Variants in TMEM161A observed in about 807,000 individuals in gnomAD.
The protein encoded by TMEM161A is adaptive response to oxidative stress protein 29.
Under a neutral mutation model 57.1 loss-of-function variants are expected in TMEM161A, and 46 were observed. That is an observed-to-expected ratio of 0.81 (90% CI 0.64 to 1.03). TMEM161A has a LOEUF of 1.03. Among genes scored for constraint, TMEM161A ranks in the 50% least tolerant of loss-of-function variants. The pLI is 0.00. For missense variants in TMEM161A, 601 were observed against 621.5 expected (o/e 0.97, Z 0.35); for synonymous variants, 288 against 279.0 (o/e 1.03, Z -0.32).
intron 11 of TMEM161A, 104 bp from the exon 12 acceptor site, chr19:19,120,287 C>T (rs1265105148): frequency 1.9e-6 from 2 of 1,036,254 alleles, no homozygotes; most frequent in African/African-American, 3.2e-5. Context: ...ACACTCCCAC[C>T]CCTGTCTCAG....
chr19:19,127,311 TCA>T (rs1351453047), intron 6 of TMEM161A, among the ~76,000 whole-genome samples: 7 of 138,854 alleles, frequency 5.0e-5, no homozygotes, highest in South Asian at 4.8e-4. Flanking sequence ...GAAATAGTGT[TCA>T]GTCTTTTTTT....
chr19:19,136,222 G>A (rs1386420996), intron 1 of TMEM161A, among the ~76,000 whole-genome samples: 1 of 151,888 alleles, frequency 6.6e-6, no homozygotes, highest in Non-Finnish European at 1.5e-5. Flanking sequence ...TAGTGTTCTG[G>A]AATTATCATC....
At chr19:19,130,455 G>A in intron 5 of TMEM161A, 148 bp from the exon 6 acceptor site, 1 of 931,098 alleles carries the variant, frequency 1.1e-6, no homozygotes, top group East Asian at 2.6e-5. Flanking sequence ...CGGTTTTGGG[G>A]TGCTGGATCT....
intron 6 of TMEM161A, among the ~76,000 whole-genome samples, chr19:19,124,826 GCA>G (rs2059923807): frequency 1.3e-5 from 2 of 151,950 alleles, no homozygotes; most frequent in African/African-American, 2.4e-5. Flanking sequence ...GTGGTGGCGT[GCA>G]CCTGTAATCC....
At position 19,121,256 on chromosome 19, in the gene TMEM161A, C is replaced by T; in HGVS notation, c.914+52G>A. 2.6e-6 allele frequency: 4 copies of T among 1,551,970 alleles called. No homozygotes were observed. In the Middle Eastern group the frequency reaches 5.0e-4, roughly 194 times the overall value. On this transcript the variant is annotated intron_variant, in intron 9 of 11. Coordinates refer to ENST00000162044, the MANE Select transcript of TMEM161A (RefSeq NM_017814.3). This position sits in a 1 kb window ranked among gnomAD's most constrained non-coding sequence, Gnocchi z 5.8. Reference sequence around the variant, plus strand: ...CAGGCTCCTCCCTGAATCTCAGAGGCTAGGGCACCCAGGGGAGCCCCAGCT... The same window carrying T: ...CAGGCTCCTCCCTGAATCTCAGAGGTTAGGGCACCCAGGGGAGCCCCAGCT...
chr19:19,120,926 A>G (rs1223978356), intron 10 of TMEM161A, 65 bp from the exon 11 acceptor site: 1 of 1,611,634 alleles, frequency 6.2e-7, no homozygotes, highest in Non-Finnish European at 8.5e-7. Context: ...CTCCACGCCC[A>G]AAGGACCAGG....
At chr19:19,125,226 A>C (rs1300813832) in intron 6 of TMEM161A, among the ~76,000 whole-genome samples, 4 of 152,244 alleles carry the variant, frequency 2.6e-5, no homozygotes, top group Non-Finnish European at 5.9e-5. Flanking sequence ...ATAATTGTTT[A>C]GCAAGGTTAG....
rs147531621 is a variant in TMEM161A at position 19,127,611 on chromosome 19, C to T, written c.595+2545G>A. On this transcript the variant is annotated intron_variant, in intron 6 of 11. Transcript: ENST00000162044. ...TGCTGGGATTACAGGCGTGAGCCAC[C>T]GTGCCTGGCAGTGTTCAGTCTTAAA... Among the ~76,000 whole-genome samples the T allele has an allele frequency of 7.3e-3, 1,105 of 151,968 alleles. 7 individuals are homozygous for T. The highest frequency in any genetic ancestry group is 0.014 in the Middle Eastern group (4 of 294).
At chr19:19,123,937 C>T (rs944266843) in intron 6 of TMEM161A, among the ~76,000 whole-genome samples, 3 of 151,866 alleles carry the variant, frequency 2.0e-5, no homozygotes, top group Non-Finnish European at 2.9e-5. Context: ...GCGGGTAATA[C>T]CAGCTACTTG....
rs761728585 is a variant in TMEM161A, at chr19:19,132,391, A to G, written c.404T>C (p.Ile135Thr). The G allele has an allele frequency of 4.3e-6, 7 of 1,613,922 alleles. No homozygotes were observed. Among genetic ancestry groups the G allele is most frequent in the Middle Eastern group, 1.6e-4 (1 of 6,082 alleles). ...YMLGPAKETN[I>T]AVFWCLLTVT... ...CGTGAGCAGGCACCAGAACACAGCA[A>G]TGTTAGTCTCCTTGGCTGGTCCCAG... The change falls in exon 5 of 12, where the codon ATT (isoleucine) becomes ACT (threonine). Residue 135 changes from isoleucine (I) to threonine (T), a missense_variant. Physicochemically the swap from Ile to Thr is moderately conservative, Grantham distance 89. Transcript: ENST00000162044. The surrounding 1 kb of genome is among the most constrained non-coding windows in gnomAD (Gnocchi z 4.3).
chr19:19,125,265 A>C (rs2059925318), intron 6 of TMEM161A, among the ~76,000 whole-genome samples: 1 of 152,184 alleles, frequency 6.6e-6, no homozygotes, highest in African/African-American at 2.4e-5. Context: ...TTTGACCCCT[A>C]TATGATAACA....
chr19:19,133,200 A>G lies in TMEM161A; in HGVS notation c.118T>C (p.Tyr40His), dbSNP rs752832735. 3 of 1,614,096 alleles carry G rather than the reference A, an allele frequency of 1.9e-6. No individual in the cohort carries two copies. The highest frequency in any genetic ancestry group is 1.1e-5 in the South Asian group (1 of 91,080). Residue 40 changes from tyrosine to histidine, a missense_variant, in exon 3 of 12, where the codon TAC (tyrosine) becomes CAC (histidine). By Grantham distance (83) the Tyr-to-His change is moderately conservative (BLOSUM62 2). Coordinates refer to ENST00000162044, the MANE Select transcript of TMEM161A (RefSeq NM_017814.3). ...WLLCNGSLFR[Y>H]KHPSEEELRA... Reference sequence around the variant, plus strand: ...AGCTCCTCCTCAGACGGGTGCTTGTATCGGAACAAACTGAGAGCAAGGACG... The same window carrying G: ...AGCTCCTCCTCAGACGGGTGCTTGTGTCGGAACAAACTGAGAGCAAGGACG...
Position 19,121,497 on chromosome 19 carries a change from C to T in TMEM161A, c.800+28G>A. Reference sequence around the variant, plus strand: ...AGTCTCTCCCTTAAGCTCCCTAGTCCCCCCACCCACCAAGCGACCCACTTA... The same window carrying T: ...AGTCTCTCCCTTAAGCTCCCTAGTCTCCCCACCCACCAAGCGACCCACTTA... On this transcript the variant is annotated intron_variant, in intron 8 of 11. Transcript: ENST00000162044. The surrounding 1 kb of genome is among the most constrained non-coding windows in gnomAD (Gnocchi z 5.8). 6.2e-7 allele frequency: 1 copy of T among 1,613,486 alleles called. No individual in the cohort carries two copies. Among genetic ancestry groups the T allele is most frequent in the Non-Finnish European group, 8.5e-7 (1 of 1,179,574 alleles).
chr19:19,138,284 C>A, intron 1 of TMEM161A, 142 bp downstream of exon 1: 3 of 1,231,124 alleles, frequency 2.4e-6, no homozygotes, highest in Non-Finnish European at 3.5e-6. Flanking sequence ...GAGGGACACA[C>A]GGCCTTCAGC....
Position 19,121,754 on chromosome 19 carries a change from C to G in TMEM161A, c.656+5G>C. The G allele has an allele frequency of 6.2e-7, 1 of 1,614,082 alleles. No individual in the cohort carries two copies. The highest frequency in any genetic ancestry group is 8.5e-7 in the Non-Finnish European group (1 of 1,180,002). ...TTGCCTCCCTCCCCCATTCCCAGGA[C>G]TCACGCCCAGTCCCAGCCCTGCTTC... On this transcript the variant is annotated splice_donor_5th_base_variant and intron_variant, in intron 7 of 11. Transcript: ENST00000162044. The surrounding 1 kb of genome is among the most constrained non-coding windows in gnomAD (Gnocchi z 5.8).
chr19:19,131,507 TACACAC>T (rs58481745), intron 5 of TMEM161A, among the ~76,000 whole-genome samples: 23 of 144,940 alleles, frequency 1.6e-4, no homozygotes, highest in African/African-American at 3.3e-4. Context: ...TATATATATA[TACACAC>T]ACACACACAC....
At chr19:19,130,617 G>C in intron 5 of TMEM161A, 1 of 348,252 alleles carries the variant, frequency 2.9e-6, no homozygotes, top group Non-Finnish European at 5.5e-6. Flanking sequence ...GATATAGAAG[G>C]GCTTCATCTC....
chr19:19,119,839 C>T lies in TMEM161A; in HGVS notation c.*91G>A, dbSNP rs1289522144. 6.9e-7 allele frequency: 1 copy of T among 1,447,924 alleles called. No individual in the cohort carries two copies. Among genetic ancestry groups the T allele is most frequent in the Non-Finnish European group, 9.3e-7 (1 of 1,078,508 alleles). The allele number at this position is 1,447,924 out of a possible 1,614,324, so 89.7% of individuals were successfully genotyped here. A position where few individuals can be genotyped will look rare whatever the true frequency, so the allele number is the denominator to read the frequency against. On this transcript the variant is annotated 3_prime_UTR_variant, in exon 12 of 12. Transcript: ENST00000162044. ...CGGGGAGTCCGGCCCCACCTTGCAG[C>T]TGGGGACACGGGGGCGCAAACAGAG...
rs2059898610 is a variant in TMEM161A at position 19,119,872 on chromosome 19, G to A, written c.*58C>T. The A allele has an allele frequency of 6.5e-7, 1 of 1,527,218 alleles. No homozygotes were observed. The highest frequency in any genetic ancestry group is 8.8e-7 in the Non-Finnish European group (1 of 1,133,116). The allele number at this position is 1,527,218 out of a possible 1,614,324, so 94.6% of individuals were successfully genotyped here. A position where few individuals can be genotyped will look rare whatever the true frequency, so the allele number is the denominator to read the frequency against. ...ACGGGGGCGCAAACAGAGGGGGCAGGCTAGTGTCCCGCTGCCCCAGGAACA... is the reference window on the plus strand; with the variant it reads ...ACGGGGGCGCAAACAGAGGGGGCAGACTAGTGTCCCGCTGCCCCAGGAACA... On this transcript the variant is annotated 3_prime_UTR_variant, in exon 12 of 12. Transcript: ENST00000162044.
Sources: allele counts gnomAD v4.1 joint callset (sites outside exome capture counted in the v4.1 genomes callset), GRCh38; gene constraint gnomAD v4.1.1; non-coding constraint Gnocchi (gnomAD v3.1); transcripts MANE v1.5; gene names NCBI Gene and HGNC (gene_info 2026-07-23, HGNC 2026-07-21).